The following UNC13C variants were observed in gnomAD, a reference collection of about 807,000 sequenced individuals.
UNC13C encodes unc-13 homolog C.
Under a neutral mutation model 245.4 loss-of-function variants are expected in UNC13C, and 174 were observed. The observed-to-expected ratio is 0.71, with a 90% CI of 0.63 to 0.80. UNC13C has a LOEUF of 0.80. Ranked by LOEUF, UNC13C falls within the 30% of genes least tolerant of loss-of-function variation. The pLI, the probability that UNC13C is intolerant of heterozygous loss-of-function variation, is 0.00. For synonymous variants in UNC13C, 992 were observed against 895.1 expected (o/e 1.11, Z -1.93); for missense variants, 2,829 against 2,602.9 (o/e 1.09, Z -1.89).
intron 19 of UNC13C, among the ~76,000 whole-genome samples, chr15:54,419,858 A>G (rs989559941): frequency 1.3e-5 from 2 of 152,126 alleles, no homozygotes; most frequent in African/African-American, 4.8e-5. Context: ...TCGTGAATAC[A>G]GCTGGTCTCT....
At chr15:54,141,511 A>C (rs879641239) in intron 2 of UNC13C, among the ~76,000 whole-genome samples, 1 of 152,128 alleles carries the variant, frequency 6.6e-6, no homozygotes, top group African/African-American at 2.4e-5. Context: ...AAGAAGACCC[A>C]TTACAATCCC....
intron 4 of UNC13C, among the ~76,000 whole-genome samples, chr15:54,203,486 A>G (rs28787082): frequency 0.66 from 75,961 of 115,188 alleles, 21,837 homozygotes; most frequent in Middle Eastern, 0.74. Flanking sequence ...GTGTGTGTGT[A>G]TATATATATA....
At chr15:53,873,320 T>C in the UNC13C span, among the ~76,000 whole-genome samples, 2 of 152,072 alleles carry the variant, frequency 1.3e-5, no homozygotes, top group Non-Finnish European at 2.9e-5. Flanking sequence ...AACCTACCTC[T>C]TCTCATCCTG....
intron 4 of UNC13C, among the ~76,000 whole-genome samples, chr15:54,226,089 T>C (rs2035372383): frequency 6.6e-6 from 1 of 152,214 alleles, no homozygotes; most frequent in Non-Finnish European, 1.5e-5. Flanking sequence ...TTTAGTTCTG[T>C]TTATTTGGTA....
the UNC13C span, among the ~76,000 whole-genome samples, chr15:53,861,763 T>A: frequency 6.6e-6 from 1 of 152,116 alleles, no homozygotes; most frequent in Non-Finnish European, 1.5e-5. Context: ...TCCAGAAGAA[T>A]TGTAAAGAGG....
chr15:54,261,732 GAC>G (rs1218293519), intron 8 of UNC13C, among the ~76,000 whole-genome samples: 10 of 152,098 alleles, frequency 6.6e-5, no homozygotes, highest in African/African-American at 2.4e-4. Context: ...TTTTAGTAGA[GAC>G]AGAGTTTCAC....
At chr15:54,596,386 T>C (rs907429985) in intron 30 of UNC13C, among the ~76,000 whole-genome samples, 3 of 152,198 alleles carry the variant, frequency 2.0e-5, no homozygotes, top group African/African-American at 7.2e-5. Context: ...TTTACTTTTG[T>C]GGGATTTTCA....
chr15:53,998,478 A>G (rs2140970757), intron 1 of UNC13C, among the ~76,000 whole-genome samples: 1 of 152,180 alleles, frequency 6.6e-6, no homozygotes, highest in South Asian at 2.1e-4. Context: ...ATGTTCTGTG[A>G]GCTTGCCAAA....
At chr15:54,226,088 G>A (rs1417143440) in intron 4 of UNC13C, among the ~76,000 whole-genome samples, 2 of 152,110 alleles carry the variant, frequency 1.3e-5, no homozygotes, top group Non-Finnish European at 2.9e-5. Context: ...TTTTAGTTCT[G>A]TTTATTTGGT....
chr15:54,059,236 C>T (rs1020453846), intron 2 of UNC13C, among the ~76,000 whole-genome samples: 3 of 152,050 alleles, frequency 2.0e-5, no homozygotes, highest in Admixed American at 6.6e-5. Context: ...GCCCAAAATC[C>T]CCTTAAGCTG....
chr15:54,259,934 T>C (rs1041653969), intron 8 of UNC13C, among the ~76,000 whole-genome samples: 1 of 152,166 alleles, frequency 6.6e-6, no homozygotes, highest in African/African-American at 2.4e-5. Context: ...TCCTGTGGTT[T>C]TTTTTTTCCA....
chr15:53,945,567 T>C, the UNC13C span, among the ~76,000 whole-genome samples: 1 of 152,154 alleles, frequency 6.6e-6, no homozygotes, highest in Non-Finnish European at 1.5e-5. Flanking sequence ...TGTGCAGCCT[T>C]ATTTCTGGAC....
chr15:54,445,400 T>G (rs1454920100), intron 19 of UNC13C, among the ~76,000 whole-genome samples: 1 of 152,220 alleles, frequency 6.6e-6, no homozygotes, highest in East Asian at 1.9e-4. Flanking sequence ...ATGGTTGAAC[T>G]AGTTTACAGT....
At chr15:53,918,481 T>C in the UNC13C span, among the ~76,000 whole-genome samples, 1 of 152,192 alleles carries the variant, frequency 6.6e-6, no homozygotes, top group Non-Finnish European at 1.5e-5. Context: ...GTTTACAAAG[T>C]CTCCCACTCC....
intron 4 of UNC13C, among the ~76,000 whole-genome samples, chr15:54,191,271 A>C (rs191881700): frequency 6.6e-6 from 1 of 151,976 alleles, no homozygotes; most frequent in South Asian, 2.1e-4. Context: ...TCTTTGTTCA[A>C]TTCCCACTTA....
At chr15:53,987,577 G>T (rs1894200363) in intron 1 of UNC13C, among the ~76,000 whole-genome samples, 2 of 151,860 alleles carry the variant, frequency 1.3e-5, no homozygotes, top group South Asian at 4.1e-4. Flanking sequence ...GCACTAGCAG[G>T]CTTATCTTAG....
intron 30 of UNC13C, among the ~76,000 whole-genome samples, chr15:54,608,712 C>G (rs1013958925): frequency 4.6e-5 from 7 of 152,122 alleles, no homozygotes; most frequent in African/African-American, 1.7e-4. Context: ...GAAAAGGAAA[C>G]ACTGAGGGTT....
intron 19 of UNC13C, among the ~76,000 whole-genome samples, chr15:54,472,017 G>A (rs750502385): frequency 2.6e-5 from 4 of 151,718 alleles, no homozygotes; most frequent in Non-Finnish European, 4.4e-5. Context: ...TTTGATGATT[G>A]TTTGCAGATC....
At chr15:54,507,820 G>A (rs948371065) in intron 23 of UNC13C, among the ~76,000 whole-genome samples, 2 of 151,096 alleles carry the variant, frequency 1.3e-5, no homozygotes, top group Admixed American at 6.6e-5. Context: ...TACATTGGCA[G>A]CATTGTAAAC....
Sources: gnomAD v4.1 joint callset for allele counts (sites outside exome capture counted in the v4.1 genomes callset) on GRCh38, gnomAD v4.1.1 for gene constraint, MANE v1.5 for transcripts, NCBI Gene and HGNC (gene_info 2026-07-23, HGNC 2026-07-21) for gene names.